ZNF804A: variants seen among roughly 807,000 people sequenced by gnomAD.
ZNF804A encodes the protein zinc finger protein 804A.
ZNF804A carries 2 observed loss-of-function variants against 16.5 expected under a neutral mutation model. The observed-to-expected ratio is 0.12, with a 90% confidence interval of 0.05 to 0.38. The LOEUF is 0.38. Ranked by LOEUF, ZNF804A falls within the 10% of genes least tolerant of loss-of-function variation. ZNF804A has a pLI of 0.99. For missense variants in ZNF804A, 1,473 were observed against 1,390.7 expected, an observed-to-expected ratio of 1.06 and a Z score of -0.94; for synonymous variants, 534 against 489.6, an observed-to-expected ratio of 1.09 and a Z score of -1.20.
intron 1 of ZNF804A, among the ~76,000 whole-genome samples, chr2:184,608,978 GAA>G (rs1203899913): frequency 2.0e-5 from 3 of 152,194 alleles, no homozygotes; most frequent in African/African-American, 7.2e-5. Flanking sequence ...TAACTTCAGT[GAA>G]AAGTTTGAAT....
chr2:184,848,200 C>T (rs1695549223), intron 1 of ZNF804A, among the ~76,000 whole-genome samples: 2 of 152,018 alleles, frequency 1.3e-5, no homozygotes, highest in African/African-American at 2.4e-5. Context: ...CACCCAGCCA[C>T]CAATCATCTC....
At chr2:184,698,721 C>G (rs1345637589) in intron 1 of ZNF804A, among the ~76,000 whole-genome samples, 1 of 152,066 alleles carries the variant, frequency 6.6e-6, no homozygotes, top group African/African-American at 2.4e-5. Flanking sequence ...TTCTCTGTAA[C>G]TCTCTGTATG....
At chr2:184,917,692 T>C (rs1454623636) in intron 2 of ZNF804A, among the ~76,000 whole-genome samples, 1 of 151,954 alleles carries the variant, frequency 6.6e-6, no homozygotes, top group African/African-American at 2.4e-5. Context: ...TGTATATATA[T>C]AGGAAAATAC....
At chr2:184,928,749 A>G (rs1023517156) in intron 2 of ZNF804A, among the ~76,000 whole-genome samples, 2 of 152,184 alleles carry the variant, frequency 1.3e-5, no homozygotes. Flanking sequence ...GGGCTGGTTT[A>G]AATACTACCT....
At chr2:184,611,417 G>A (rs1412446361) in intron 1 of ZNF804A, among the ~76,000 whole-genome samples, 1 of 151,478 alleles carries the variant, frequency 6.6e-6, no homozygotes, top group Non-Finnish European at 1.5e-5. Flanking sequence ...AATATTTATG[G>A]CATGATATTT....
intron 1 of ZNF804A, among the ~76,000 whole-genome samples, chr2:184,774,346 C>T (rs1694257736): frequency 6.6e-6 from 1 of 151,756 alleles, no homozygotes; most frequent in South Asian, 2.1e-4. Flanking sequence ...GTCTTGTCCC[C>T]AGCAACATAA....
At chr2:184,915,676 A>G (rs1329199275) in intron 2 of ZNF804A, among the ~76,000 whole-genome samples, 1 of 152,154 alleles carries the variant, frequency 6.6e-6, no homozygotes, top group Non-Finnish European at 1.5e-5. Flanking sequence ...CAGATTGCAA[A>G]GACTTTTATA....
chr2:184,705,382 A>G (rs1026199817), intron 1 of ZNF804A, among the ~76,000 whole-genome samples: 1 of 152,220 alleles, frequency 6.6e-6, no homozygotes, highest in Non-Finnish European at 1.5e-5. Context: ...GAATGTAAAA[A>G]TAAATATGAT....
At chr2:184,640,081 G>A (rs1691770092) in intron 1 of ZNF804A, among the ~76,000 whole-genome samples, 2 of 151,944 alleles carry the variant, frequency 1.3e-5, no homozygotes, top group Admixed American at 1.3e-4. Flanking sequence ...TATAAATCTA[G>A]CCTTGATAAT....
At position 184,713,208 on chromosome 2, in the gene ZNF804A, C is replaced by T. The variant is rs17509024; in HGVS notation, c.111+114138C>T. ...GCCAAGTTAGACAGTCTAGATTACT[C>T]CTCAATGATTGTGACAAAGATGGCT... On this transcript the variant is annotated intron_variant, in intron 1 of 3. Transcript: ENST00000302277. Among the ~76,000 whole-genome samples, 887 of 151,836 alleles carry T rather than the reference C, an allele frequency of 5.8e-3. 11 individuals are homozygous for T. The highest frequency in any genetic ancestry group is 0.027 in the Middle Eastern group (8 of 294).
At chr2:184,610,488 T>G (rs1691217724) in intron 1 of ZNF804A, among the ~76,000 whole-genome samples, 1 of 152,104 alleles carries the variant, frequency 6.6e-6, no homozygotes, top group Non-Finnish European at 1.5e-5. Context: ...GGAATGGGTT[T>G]AATGAGAAGT....
chr2:184,775,849 G>C (rs969546656), intron 1 of ZNF804A, among the ~76,000 whole-genome samples: 2 of 151,620 alleles, frequency 1.3e-5, no homozygotes, highest in Non-Finnish European at 3.0e-5. Flanking sequence ...GTTTGGATAT[G>C]AGGGTAAATC....
chr2:184,883,286 G>A (rs777928464), intron 2 of ZNF804A, among the ~76,000 whole-genome samples: 16 of 151,798 alleles, frequency 1.1e-4, no homozygotes, highest in East Asian at 5.8e-4. Context: ...ATAATAAAAC[G>A]TGTACCAGCC....
intron 3 of ZNF804A, 40 bp downstream of exon 3, chr2:184,933,773 A>T: frequency 6.3e-7 from 1 of 1,582,602 alleles, no homozygotes. Context: ...TTAAAACATG[A>T]CCAAAAAAGG....
At chr2:184,870,735 C>A (rs1395777550) in intron 2 of ZNF804A, among the ~76,000 whole-genome samples, 1 of 151,840 alleles carries the variant, frequency 6.6e-6, no homozygotes, top group Non-Finnish European at 1.5e-5. Flanking sequence ...TAGGTAAGAG[C>A]TTCAAAAAAC....
chr2:184,640,853 C>T (rs183452668), intron 1 of ZNF804A, among the ~76,000 whole-genome samples: 28 of 152,304 alleles, frequency 1.8e-4, no homozygotes, highest in Admixed American at 5.2e-4. Flanking sequence ...GAAAAATCCA[C>T]AATTTACATC....
intron 1 of ZNF804A, among the ~76,000 whole-genome samples, chr2:184,684,695 A>G (rs1170739497): frequency 2.6e-5 from 4 of 152,152 alleles, no homozygotes; most frequent in African/African-American, 9.7e-5. Context: ...ACAGTACCCA[A>G]TAGGTAGATT....
intron 2 of ZNF804A, among the ~76,000 whole-genome samples, chr2:184,928,677 G>A (rs1383493536): frequency 6.6e-6 from 1 of 152,186 alleles, no homozygotes; most frequent in Non-Finnish European, 1.5e-5. Flanking sequence ...TCTGGCCCAA[G>A]GTGGCAAGGC....
intron 1 of ZNF804A, among the ~76,000 whole-genome samples, chr2:184,749,551 A>T (rs531576805): frequency 6.6e-6 from 1 of 151,288 alleles, no homozygotes; most frequent in Non-Finnish European, 1.5e-5. Context: ...TTCTTTTCCT[A>T]TTTGAATGCC....
Sources: gnomAD v4.1 joint callset for allele counts (sites outside exome capture counted in the v4.1 genomes callset) on GRCh38, gnomAD v4.1.1 for gene constraint, MANE v1.5 for transcripts, NCBI Gene and HGNC (gene_info 2026-07-23, HGNC 2026-07-21) for gene names.